SPAG16: variants seen among roughly 807,000 people sequenced by gnomAD.
SPAG16 encodes sperm-associated antigen 16 protein.
A neutral mutation model predicts 80.4 loss-of-function variants in SPAG16; 86 were observed. The observed-to-expected ratio is 1.07, with a 90% CI of 0.90 to 1.28. The LOEUF (loss-of-function observed/expected upper bound fraction) is 1.28, where lower values mean the gene tolerates loss of function less well. Ranked by LOEUF, SPAG16 falls within the 50% of genes most tolerant of loss-of-function variation. SPAG16 has a pLI of 0.00. For missense variants in SPAG16, 870 were observed against 765.3 expected, an observed-to-expected ratio of 1.14 and a Z score of -1.61; for synonymous variants, 294 against 265.9, an observed-to-expected ratio of 1.11 and a Z score of -1.03.
intron 11 of SPAG16, among the ~76,000 whole-genome samples, chr2:213,869,277 ATATG>A (rs1247217550): frequency 7.2e-5 from 5 of 69,186 alleles, no homozygotes; most frequent in Admixed American, 3.2e-4. Context: ...ATATATATAT[ATATG>A]TATATATATA....
intron 10 of SPAG16, among the ~76,000 whole-genome samples, chr2:213,817,232 T>TTA (rs545339997): frequency 3.8e-4 from 55 of 143,340 alleles, no homozygotes; most frequent in African/African-American, 1.3e-3. Flanking sequence ...ATATATATGC[T>TTA]TATATATATA....
intron 12 of SPAG16, among the ~76,000 whole-genome samples, chr2:213,949,171 T>TTTTTTTTTTTTTTTTTTGTTTTTTTG (rs2079603923): frequency 1.6e-4 from 1 of 6,122 alleles, no homozygotes; most frequent in African/African-American, 1.8e-4. Flanking sequence ...TTACAACAGT[T>TTTTTTTTTTTTTTTTTTGTTTTTTTG]TTTTTTTTTT....
chr2:213,400,468 G>T (rs2068253131), intron 9 of SPAG16, among the ~76,000 whole-genome samples: 1 of 152,018 alleles, frequency 6.6e-6, no homozygotes, highest in Admixed American at 6.6e-5. Context: ...TTTTATTTGG[G>T]TTATTATGTA....
At chr2:214,243,176 G>A (rs1456998569) in intron 15 of SPAG16, among the ~76,000 whole-genome samples, 1 of 152,052 alleles carries the variant, frequency 6.6e-6, no homozygotes, top group Non-Finnish European at 1.5e-5. Flanking sequence ...TGATAAATGA[G>A]TTTTAATCAA....
chr2:214,055,036 A>G (rs1360456971), intron 13 of SPAG16, among the ~76,000 whole-genome samples: 1 of 152,212 alleles, frequency 6.6e-6, no homozygotes, highest in Non-Finnish European at 1.5e-5. Flanking sequence ...GTGACACAGC[A>G]TATAAGGGAA....
chr2:213,402,387 TTATGC>T (rs1250717593), intron 9 of SPAG16, among the ~76,000 whole-genome samples: 1 of 152,096 alleles, frequency 6.6e-6, no homozygotes, highest in East Asian at 1.9e-4. Context: ...TCTTATCTCC[TTATGC>T]TCAATTCCCA....
intron 9 of SPAG16, among the ~76,000 whole-genome samples, chr2:213,381,012 A>G (rs1412535402): frequency 6.6e-6 from 1 of 152,216 alleles, no homozygotes; most frequent in Non-Finnish European, 1.5e-5. Flanking sequence ...ATTGACTAAT[A>G]TATCTATTTC....
intron 13 of SPAG16, among the ~76,000 whole-genome samples, chr2:214,019,054 A>C (rs2047727356): frequency 1.4e-5 from 2 of 139,698 alleles, no homozygotes; most frequent in African/African-American, 5.2e-5. Context: ...ACAGGACTGC[A>C]TGTATTTTTC....
chr2:214,226,287 T>G (rs115339364), intron 15 of SPAG16, among the ~76,000 whole-genome samples: 2,736 of 152,134 alleles, frequency 0.018, 53 homozygotes, highest in African/African-American at 0.043. Flanking sequence ...TGAAAGTACA[T>G]GGGACAAAGT....
chr2:213,540,961 A>C (rs1417735995), intron 10 of SPAG16, among the ~76,000 whole-genome samples: 1 of 152,228 alleles, frequency 6.6e-6, no homozygotes, highest in East Asian at 1.9e-4. Context: ...GTGCGCGTGC[A>C]TGTGTGTGTG....
intron 15 of SPAG16, among the ~76,000 whole-genome samples, chr2:214,393,691 C>T (rs990635669): frequency 2.0e-5 from 3 of 151,948 alleles, no homozygotes; most frequent in Admixed American, 1.3e-4. Flanking sequence ...ATATTTTAGA[C>T]CCCCAATGCT....
chr2:213,663,199 AG>A (rs1246120743), intron 10 of SPAG16, among the ~76,000 whole-genome samples: 1 of 152,136 alleles, frequency 6.6e-6, no homozygotes, highest in Non-Finnish European at 1.5e-5. Context: ...ATGATGAAAT[AG>A]GAAAATAAAA....
intron 5 of SPAG16, among the ~76,000 whole-genome samples, chr2:213,320,857 G>A (rs1241887532): frequency 6.6e-6 from 1 of 151,864 alleles, no homozygotes; most frequent in African/African-American, 2.4e-5. Context: ...CTTGGCTATT[G>A]TGAATAGTGC....
At chr2:213,840,763 A>G (rs543909554) in intron 10 of SPAG16, among the ~76,000 whole-genome samples, 1 of 152,202 alleles carries the variant, frequency 6.6e-6, no homozygotes, top group East Asian at 1.9e-4. Flanking sequence ...TGGAGGAACA[A>G]CCTGTCACTA....
intron 15 of SPAG16, among the ~76,000 whole-genome samples, chr2:214,155,146 G>C (rs1486538495): frequency 1.3e-5 from 2 of 152,102 alleles, no homozygotes; most frequent in African/African-American, 4.8e-5. Flanking sequence ...GCCACACACA[G>C]AGAACTGGAG....
chr2:213,940,366 A>G (rs1197153030), intron 12 of SPAG16, among the ~76,000 whole-genome samples: 1 of 152,164 alleles, frequency 6.6e-6, no homozygotes, highest in African/African-American at 2.4e-5. Flanking sequence ...AGCTCACTGT[A>G]GCCTGGAACT....
intron 10 of SPAG16, among the ~76,000 whole-genome samples, chr2:213,616,100 A>G (rs1252099487): frequency 6.6e-6 from 1 of 152,226 alleles, no homozygotes; most frequent in Non-Finnish European, 1.5e-5. Flanking sequence ...CCGATTAGGA[A>G]ACTGGAGATC....
intron 15 of SPAG16, among the ~76,000 whole-genome samples, chr2:214,259,208 G>A (rs942377621): frequency 1.3e-5 from 2 of 151,642 alleles, no homozygotes; most frequent in African/African-American, 4.8e-5. Flanking sequence ...GACTTGGATG[G>A]ACTAAAACTA....
chr2:213,354,378 T>G (rs543478003), intron 7 of SPAG16, among the ~76,000 whole-genome samples: 131 of 152,302 alleles, frequency 8.6e-4, no homozygotes, highest in Middle Eastern at 3.4e-3. Flanking sequence ...GTAGCATCAT[T>G]TATAATAATT....
Sources: gnomAD v4.1 joint callset for allele counts (sites outside exome capture counted in the v4.1 genomes callset) on GRCh38, gnomAD v4.1.1 for gene constraint, MANE v1.5 for transcripts, NCBI Gene and HGNC (gene_info 2026-07-23, HGNC 2026-07-21) for gene names.